Variants in ADCK1 observed in about 807,000 individuals in gnomAD.
ADCK1 encodes the protein aarF domain containing kinase 1.
In ADCK1, 41 loss-of-function variants were observed where a neutral mutation model predicts 52.3. The ratio of observed to expected loss-of-function variants is 0.78; its 90% confidence interval spans 0.61 to 1.02. ADCK1 has a LOEUF of 1.02. Among genes scored for constraint, ADCK1 ranks in the 50% least tolerant of loss-of-function variants. ADCK1 has a pLI of 0.00. For synonymous variants in ADCK1, 250 were observed against 274.6 expected (o/e 0.91, Z 0.89); for missense variants, 658 against 679.5 (o/e 0.97, Z 0.35).
At chr14:77,871,709 G>T (rs1322099989) in intron 4 of ADCK1, among the ~76,000 whole-genome samples, 1 of 152,164 alleles carries the variant, frequency 6.6e-6, no homozygotes, top group Non-Finnish European at 1.5e-5. Context: ...CTCTGGCACA[G>T]ATGCAAATCC....
rs549862837 is a variant in ADCK1, at chr14:77,861,353, A to T, written c.423+2074A>T. ...TTGTTCCCTGGTGACACACTTTCCC[A>T]GTGTGTGGGTGGAGGGAGGGGAGCG... On this transcript the variant is annotated intron_variant, in intron 4 of 10. Coordinates refer to ENST00000238561, the MANE Select transcript of ADCK1 (RefSeq NM_020421.4). Among the ~76,000 whole-genome samples the T allele has an allele frequency of 4.7e-3, 714 of 151,902 alleles. 6 individuals carry two copies. Among genetic ancestry groups the T allele is most frequent in the African/African-American group, 0.017 (687 of 41,426 alleles).
At chr14:77,822,176 T>C (rs2081596900) in intron 2 of ADCK1, among the ~76,000 whole-genome samples, 1 of 152,184 alleles carries the variant, frequency 6.6e-6, no homozygotes, top group Admixed American at 6.6e-5. Flanking sequence ...TGGTAGTTTG[T>C]TATGATAAAT....
At chr14:77,822,372 T>C in intron 2 of ADCK1, 63 bp from the exon 3 acceptor site, 1 of 1,370,410 alleles carries the variant, frequency 7.3e-7, no homozygotes, top group Non-Finnish European at 1.0e-6. Context: ...CTGCAAGGTT[T>C]GGGCAGAGTA....
chr14:77,853,745 T>A (rs1196056919), intron 3 of ADCK1, among the ~76,000 whole-genome samples: 3 of 152,184 alleles, frequency 2.0e-5, no homozygotes, highest in South Asian at 4.1e-4. Context: ...AATTTTTGGA[T>A]ATGCACGTGC....
intron 4 of ADCK1, among the ~76,000 whole-genome samples, chr14:77,882,167 T>G (rs1012501932): frequency 1.3e-5 from 2 of 152,088 alleles, no homozygotes; most frequent in African/African-American, 4.8e-5. Context: ...TGGGTGAAAC[T>G]CTCTCCAACC....
intron 9 of ADCK1, among the ~76,000 whole-genome samples, chr14:77,927,468 T>C (rs2084224716): frequency 6.6e-6 from 1 of 152,244 alleles, no homozygotes; most frequent in African/African-American, 2.4e-5. Context: ...TTTGTTGGGC[T>C]GTGGGTATGA....
At chr14:77,811,570 A>G (rs1030623946) in intron 1 of ADCK1, among the ~76,000 whole-genome samples, 1 of 152,098 alleles carries the variant, frequency 6.6e-6, no homozygotes, top group Admixed American at 6.6e-5. Flanking sequence ...ACTTTGGGAG[A>G]CCGAGGTGGG....
chr14:77,926,470 A>G (rs1311011032), intron 9 of ADCK1, among the ~76,000 whole-genome samples: 2 of 151,936 alleles, frequency 1.3e-5, no homozygotes, highest in Non-Finnish European at 2.9e-5. Flanking sequence ...CATTGTCTGC[A>G]GACTTTTTTG....
intron 1 of ADCK1, among the ~76,000 whole-genome samples, chr14:77,810,651 C>T (rs1269317300): frequency 6.6e-6 from 1 of 152,088 alleles, no homozygotes; most frequent in Admixed American, 6.6e-5. Context: ...CTACCTCAGC[C>T]TCCCGAGTAG....
intron 4 of ADCK1, among the ~76,000 whole-genome samples, chr14:77,863,718 T>C (rs1594963446): frequency 1.3e-5 from 2 of 151,994 alleles, no homozygotes; most frequent in East Asian, 3.9e-4. Context: ...GCGCTTGTCA[T>C]CCAAGCTACT....
chr14:77,806,641 C>T (rs1005845279), intron 1 of ADCK1, among the ~76,000 whole-genome samples: 2 of 152,150 alleles, frequency 1.3e-5, no homozygotes, highest in African/African-American at 4.8e-5. Context: ...CTAGGTGTCT[C>T]TCCCACAGTA....
chr14:77,876,900 G>C (rs1380586080), intron 4 of ADCK1, among the ~76,000 whole-genome samples: 1 of 152,196 alleles, frequency 6.6e-6, no homozygotes, highest in African/African-American at 2.4e-5. Flanking sequence ...TTTTTACTGG[G>C]TGCAACATCC....
chr14:77,906,049 CCCCATTTAT>C (rs1474112086), intron 6 of ADCK1, among the ~76,000 whole-genome samples: 2 of 152,130 alleles, frequency 1.3e-5, no homozygotes, highest in Admixed American at 1.3e-4. Context: ...TATGTACAGC[CCCCATTTAT>C]CCTCAGAGGT....
chr14:77,877,485 G>A, intron 4 of ADCK1, among the ~76,000 whole-genome samples: 1 of 152,228 alleles, frequency 6.6e-6, no homozygotes, highest in Non-Finnish European at 1.5e-5. Context: ...AGAAATGAAT[G>A]TGAGCCTTTG....
rs1228186328 is a variant in ADCK1, at chr14:77,934,454, T to C, written c.*1063T>C. Reference sequence around the variant, plus strand: ...GGTTCTCATTCAGTGGCCCCAGTTTTAGGCCTGGAATTCTACTTGTCTCCC... The same window carrying C: ...GGTTCTCATTCAGTGGCCCCAGTTTCAGGCCTGGAATTCTACTTGTCTCCC... On this transcript the variant is annotated 3_prime_UTR_variant, in exon 11 of 11. Transcript: ENST00000238561. The C allele has an allele frequency of 6.6e-6, 1 of 152,150 alleles. No homozygotes were observed. Among genetic ancestry groups the C allele is most frequent in the Non-Finnish European group, 1.5e-5 (1 of 68,050 alleles). 9.4% of individuals were successfully genotyped at this position (152,150 alleles called of 1,614,324 possible).
At chr14:77,881,401 A>G (rs1219677716) in intron 4 of ADCK1, among the ~76,000 whole-genome samples, 1 of 152,224 alleles carries the variant, frequency 6.6e-6, no homozygotes, top group Non-Finnish European at 1.5e-5. Flanking sequence ...TAGGTCTTGG[A>G]AGTCCCATGC....
At chr14:77,921,067 C>T (rs1327120656) in intron 7 of ADCK1, among the ~76,000 whole-genome samples, 1 of 151,678 alleles carries the variant, frequency 6.6e-6, no homozygotes, top group Non-Finnish European at 1.5e-5. Flanking sequence ...TGGCTCACGC[C>T]TGTAATCCCA....
rs547234866 is a variant in ADCK1 at position 77,886,121 on chromosome 14, A to G, written c.424-970A>G. On this transcript the variant is annotated intron_variant, in intron 4 of 10. Coordinates refer to ENST00000238561, the MANE Select transcript of ADCK1 (RefSeq NM_020421.4). ...GGCATTGCAGGTGATGACCTAGAGC[A>G]AAGTTCTGGCTTGCAGCCCTGGGGT... Among the ~76,000 whole-genome samples, 3 of 152,390 alleles carry G rather than the reference A, an allele frequency of 2.0e-5. No individual in the cohort carries two copies. In the East Asian group the frequency reaches 5.8e-4, roughly 29 times the overall value.
At chr14:77,919,312 T>C (rs1165434012) in intron 7 of ADCK1, among the ~76,000 whole-genome samples, 1 of 152,250 alleles carries the variant, frequency 6.6e-6, no homozygotes, top group Non-Finnish European at 1.5e-5. Flanking sequence ...ATAGATTAGC[T>C]ACCACTTATA....
Sources: gnomAD v4.1 joint callset for allele counts (sites outside exome capture counted in the v4.1 genomes callset) on GRCh38, gnomAD v4.1.1 for gene constraint, MANE v1.5 for transcripts, NCBI Gene and HGNC (gene_info 2026-07-23, HGNC 2026-07-21) for gene names.